KCNH8: variants seen among roughly 807,000 people sequenced by gnomAD.
KCNH8 encodes potassium voltage-gated channel subfamily H member 8.
In KCNH8, 70 loss-of-function variants were observed where a neutral mutation model predicts 103.6. The ratio of observed to expected loss-of-function variants is 0.68; its 90% CI spans 0.56 to 0.82. KCNH8 has a LOEUF of 0.82. KCNH8 is among the 40% of genes least tolerant of loss of function. The pLI, the probability that KCNH8 is intolerant of heterozygous loss-of-function variation, is 0.00. For missense variants in KCNH8, 1,217 were observed against 1,329.9 expected, an observed-to-expected ratio of 0.92 and a Z score of 1.32; for synonymous variants, 498 against 489.4, an observed-to-expected ratio of 1.02 and a Z score of -0.23.
At chr3:19,295,399 TA>T (rs1231034252) in intron 3 of KCNH8, among the ~76,000 whole-genome samples, 4 of 150,864 alleles carry the variant, frequency 2.7e-5, no homozygotes, top group Non-Finnish European at 5.9e-5. Context: ...AATAAATAAA[TA>T]AATAAATAAA....
chr3:19,220,866 G>A (rs1435896585), intron 1 of KCNH8, among the ~76,000 whole-genome samples: 2 of 151,900 alleles, frequency 1.3e-5, no homozygotes, highest in African/African-American at 4.8e-5. Context: ...AGTTCCTTTT[G>A]ATGAGGATGG....
chr3:19,348,495 T>A (rs1203784923), intron 5 of KCNH8, among the ~76,000 whole-genome samples: 3 of 152,100 alleles, frequency 2.0e-5, no homozygotes, highest in African/African-American at 7.2e-5. Flanking sequence ...CCCCAAAGGA[T>A]GTTTGTTAAG....
chr3:19,182,118 G>GCCATAT (rs2063459122), intron 1 of KCNH8, among the ~76,000 whole-genome samples: 3 of 152,062 alleles, frequency 2.0e-5, no homozygotes, highest in African/African-American at 7.2e-5. Flanking sequence ...GTAAATAGAG[G>GCCATAT]CCATATATTC....
Position 19,281,222 on chromosome 3 carries a change from A to G in KCNH8, c.335A>G (p.Asp112Gly), listed in dbSNP as rs780976722. The change falls in exon 3 of 16, where the codon GAT (aspartate) becomes GGT (glycine). Residue 112 changes from aspartate to glycine, a missense_variant. Physicochemically the swap from Asp to Gly is moderately conservative, Grantham distance 94. Coordinates refer to ENST00000328405, the MANE Select transcript of KCNH8 (RefSeq NM_144633.3). ...KNGSPFWCLLDIVPIKNEKGD... is the reference protein window; with the variant it reads ...KNGSPFWCLLGIVPIKNEKGD... The stretch of plus-strand genomic sequence containing the variant: ...GGGTCTCCATTTTGGTGCCTACTGG[A>G]TATTGTTCCCATAAAGAATGAAAAA... 1.4e-5 allele frequency: 22 copies of G among 1,610,972 alleles called. 1 individual carries two copies. Among genetic ancestry groups the G allele is most frequent in the Middle Eastern group, 3.3e-4 (2 of 6,060 alleles).
At chr3:19,487,521 G>A (rs112853461) in intron 11 of KCNH8, among the ~76,000 whole-genome samples, 2 of 152,128 alleles carry the variant, frequency 1.3e-5, no homozygotes, top group Non-Finnish European at 1.5e-5. Context: ...AGCTTCTCTG[G>A]GAACCGGATA....
intron 1 of KCNH8, among the ~76,000 whole-genome samples, chr3:19,165,256 A>C (rs937797484): frequency 4.6e-5 from 7 of 152,236 alleles, no homozygotes; most frequent in African/African-American, 1.7e-4. Context: ...TGGCAAAAAC[A>C]GCAATTACTT....
At chr3:19,459,813 G>A (rs1373989261) in intron 11 of KCNH8, among the ~76,000 whole-genome samples, 1 of 151,864 alleles carries the variant, frequency 6.6e-6, no homozygotes, top group African/African-American at 2.4e-5. Context: ...TTCTGCATGT[G>A]GAAAAGGAAT....
chr3:19,259,149 G>T (rs944858438), intron 2 of KCNH8, among the ~76,000 whole-genome samples: 52 of 150,942 alleles, frequency 3.4e-4, no homozygotes, highest in African/African-American at 1.2e-3. Context: ...CGCCATCAAG[G>T]TTTGCCATTT....
At chr3:19,314,647 G>A (rs34768061) in intron 3 of KCNH8, among the ~76,000 whole-genome samples, 31,841 of 151,880 alleles carry the variant, frequency 0.21, 3,764 homozygotes, top group Non-Finnish European at 0.28. Context: ...CAGGACAGCT[G>A]CCATAGACAA....
At chr3:19,295,391 TA>T (rs1369733256) in intron 3 of KCNH8, among the ~76,000 whole-genome samples, 4 of 125,020 alleles carry the variant, frequency 3.2e-5, no homozygotes, top group African/African-American at 1.6e-4. Flanking sequence ...CTCAAATAAA[TA>T]AATAAATAAA....
chr3:19,438,213 C>A lies in KCNH8; in HGVS notation c.1227C>A (p.Asn409Lys). Reference sequence around the variant, plus strand: ...GACTGGAATCTCCATACTATGGCAACAATACCTTGGGGGGCCCGTCGATCC... The same window carrying A: ...GACTGGAATCTCCATACTATGGCAAAAATACCTTGGGGGGCCCGTCGATCC... ...GKRLESPYYGNNTLGGPSIRS... is the reference protein window; with the variant it reads ...GKRLESPYYGKNTLGGPSIRS... The change falls in exon 8 of 16, where the codon AAC becomes AAA. Residue 409 changes from asparagine (N) to lysine (K), a missense_variant. Physicochemically the swap from Asn to Lys is moderately conservative, Grantham distance 94. Coordinates refer to ENST00000328405, the MANE Select transcript of KCNH8 (RefSeq NM_144633.3). 1 of 1,614,086 alleles carries A rather than the reference C, an allele frequency of 6.2e-7. No homozygotes were observed. Among genetic ancestry groups the A allele is most frequent in the Non-Finnish European group, 8.5e-7 (1 of 1,180,010 alleles).
intron 1 of KCNH8, among the ~76,000 whole-genome samples, chr3:19,225,993 C>T (rs1350114434): frequency 6.6e-6 from 1 of 152,124 alleles, no homozygotes; most frequent in African/African-American, 2.4e-5. Flanking sequence ...TAGCAATGCA[C>T]ATTGTTAGGA....
intron 1 of KCNH8, among the ~76,000 whole-genome samples, chr3:19,189,960 G>A (rs2063535895): frequency 6.6e-6 from 1 of 151,916 alleles, no homozygotes; most frequent in Non-Finnish European, 1.5e-5. Flanking sequence ...TACTTCTTAT[G>A]AGTTGATACA....
chr3:19,511,306 G>A (rs1187697033), intron 12 of KCNH8, among the ~76,000 whole-genome samples: 1 of 152,034 alleles, frequency 6.6e-6, no homozygotes, highest in Non-Finnish European at 1.5e-5. Flanking sequence ...CAATATCTAA[G>A]CAACTTGTCC....
At chr3:19,421,810 T>C (rs1363742309) in intron 7 of KCNH8, among the ~76,000 whole-genome samples, 1 of 152,098 alleles carries the variant, frequency 6.6e-6, no homozygotes, top group Non-Finnish European at 1.5e-5. Flanking sequence ...TTCTACTAAG[T>C]CTAATTTTTT....
At chr3:19,179,783 T>C (rs1449220019) in intron 1 of KCNH8, among the ~76,000 whole-genome samples, 1 of 152,148 alleles carries the variant, frequency 6.6e-6, no homozygotes. Flanking sequence ...CACATTGCAC[T>C]CTATATTCTT....
chr3:19,335,483 GTATATATATA>G (rs3067331), intron 3 of KCNH8, among the ~76,000 whole-genome samples: 7 of 141,374 alleles, frequency 5.0e-5, no homozygotes, highest in Non-Finnish European at 7.7e-5. Context: ...ATATGTGTGT[GTATATATATA>G]TATATATATA....
intron 7 of KCNH8, among the ~76,000 whole-genome samples, chr3:19,424,983 T>TACACACACACACACAC (rs552536520): frequency 4.8e-4 from 73 of 151,556 alleles, no homozygotes; most frequent in African/African-American, 1.8e-3. Context: ...GTTTCCCTGT[T>TACACACACACACACAC]ACACACACAC....
chr3:19,478,857 T>C (rs867190924), intron 11 of KCNH8, among the ~76,000 whole-genome samples: 10 of 152,132 alleles, frequency 6.6e-5, no homozygotes, highest in African/African-American at 2.2e-4. Context: ...ACCTATTGGA[T>C]AATACCAGAA....
Sources: allele counts gnomAD v4.1 joint callset (sites outside exome capture counted in the v4.1 genomes callset), GRCh38; gene constraint gnomAD v4.1.1; transcripts MANE v1.5; gene names NCBI Gene and HGNC (gene_info 2026-07-23, HGNC 2026-07-21).